SHC2: variants seen among roughly 807,000 people sequenced by gnomAD.
SHC2 encodes the protein SHC-transforming protein 2.
In SHC2, 62 loss-of-function variants were observed where a neutral mutation model predicts 60.6. The observed-to-expected ratio is 1.02, with a 90% CI of 0.83 to 1.26. The LOEUF is 1.26. Ranked by LOEUF, SHC2 falls within the 50% of genes most tolerant of loss-of-function variation. SHC2 has a pLI of 0.00. For missense variants in SHC2, 873 were observed against 822.2 expected, an observed-to-expected ratio of 1.06 and a Z score of -0.76; for synonymous variants, 375 against 372.4, an observed-to-expected ratio of 1.01 and a Z score of -0.08.
At chr19:427,047 G>C (rs907492570) in intron 9 of SHC2, among the ~76,000 whole-genome samples, 3 of 152,242 alleles carry the variant, frequency 2.0e-5, no homozygotes, top group Admixed American at 6.5e-5. Context: ...GGTCCGGGGT[G>C]AGCAGCCAGC....
In SHC2 at chr19:438,148, T is replaced by C. The variant is rs1302916606; in HGVS notation, c.720+570A>G. On this transcript the variant is annotated intron_variant, in intron 4 of 12. Coordinates refer to ENST00000264554, the MANE Select transcript of SHC2 (RefSeq NM_012435.3). This position sits in a 1 kb window ranked among gnomAD's most constrained non-coding sequence, Gnocchi z 5.0. ...ACAGGCGCCCACCACCACACCCGGC[T>C]AATCTTTGTATTTTTTGTAGAGTCA... 6.6e-6 allele frequency among the ~76,000 whole-genome samples: 1 copy of C among 151,996 alleles called. No homozygotes were observed. The highest frequency in any genetic ancestry group is 1.5e-5 in the Non-Finnish European group (1 of 68,006).
chr19:455,664 C>G (rs151260990), intron 1 of SHC2, among the ~76,000 whole-genome samples: 1 of 152,186 alleles, frequency 6.6e-6, no homozygotes, highest in Non-Finnish European at 1.5e-5. Context: ...CCAAACAACG[C>G]GAGCTAATCC....
At position 450,840 on chromosome 19, in the gene SHC2, C is replaced by T. The variant is rs9676799; in HGVS notation, c.468+9689G>A. On this transcript the variant is annotated intron_variant, in intron 1 of 12. Transcript: ENST00000264554. ...TCATATTTCAGTGTGTGGATGGCCA[C>T]GCCATGGCTGTGCCGTATTTCAGCG... is the stretch of plus-strand genomic sequence containing the variant. 2.6e-3 allele frequency among the ~76,000 whole-genome samples: 387 copies of T among 147,138 alleles called. 1 individual carries two copies. Among genetic ancestry groups the T allele is most frequent in the Non-Finnish European group, 4.2e-3 (282 of 66,666 alleles).
chr19:460,651 A>G lies in SHC2; in HGVS notation c.346T>C (p.Ser116Pro), dbSNP rs1057413354. 2 of 1,203,802 alleles carry G rather than the reference A, an allele frequency of 1.7e-6. No homozygotes were observed. The highest frequency in any genetic ancestry group is 1.7e-5 in the African/African-American group (1 of 60,586). The allele number at this position is 1,203,802 out of a possible 1,614,324, so 74.6% of individuals were successfully genotyped here. ...GSRGGRGAAG[S>P]GDAAAAAEWI... is the part of the protein sequence containing the mutation. ...TCGGCGGCGGCGGCGGCGTCCCCGG[A>G]CCCCGCCGCCCCCCGCCCGCCCCGC... The change falls in exon 1 of 13, where the codon TCC becomes CCC. Residue 116 changes from serine to proline, a missense_variant. Coordinates refer to ENST00000264554, the MANE Select transcript of SHC2 (RefSeq NM_012435.3).
At position 460,813 on chromosome 19, in the gene SHC2, G is replaced by C; in HGVS notation, c.184C>G (p.Pro62Ala). 1.0e-6 allele frequency: 1 copy of C among 980,480 alleles called. No homozygotes were observed. The highest frequency in any genetic ancestry group is 1.2e-6 in the Non-Finnish European group (1 of 828,234). 60.7% of individuals were successfully genotyped at this position (980,480 alleles called of 1,614,324 possible). A position where few individuals can be genotyped will look rare whatever the true frequency, so the allele number is the denominator to read the frequency against. The change falls in exon 1 of 13, where the codon CCC becomes GCC. Residue 62 changes from proline (P) to alanine (A), a missense_variant. Physicochemically the swap from Pro to Ala is conservative, Grantham distance 27 (BLOSUM62 -1). Coordinates refer to ENST00000264554, the MANE Select transcript of SHC2 (RefSeq NM_012435.3). ...CCCGGGCCCGCCGGCTCGGGTTGGG[G>C]GTCCGCGCCCCCCGAGGCCCCAGCC... ...RAAGASGGADPQPEPAGPGGV... is the reference protein window; with the variant it reads ...RAAGASGGADAQPEPAGPGGV...
rs536135156 is a variant in SHC2, at chr19:425,588, G to A, written c.1175-357C>T. On this transcript the variant is annotated intron_variant, in intron 9 of 12. Transcript: ENST00000264554. This position sits in a 1 kb window ranked among gnomAD's most constrained non-coding sequence, Gnocchi z 4.1. ...GAGCTTCCCAGTGCGTGTATGTTCA[G>A]TCTCCACATTTAAAAATAATCACAG... 1.6e-4 allele frequency among the ~76,000 whole-genome samples: 24 copies of A among 152,334 alleles called. 1 individual carries two copies. The South Asian group carries it at 3.9e-3, about 25-fold the overall frequency.
intron 12 of SHC2, among the ~76,000 whole-genome samples, chr19:418,130 C>G (rs927347748): frequency 2.6e-5 from 4 of 152,186 alleles, no homozygotes; most frequent in Non-Finnish European, 5.9e-5. Context: ...TCCCCCCGGG[C>G]CCCGCACCAA....
Position 445,612 on chromosome 19 carries a change from C to T in SHC2, c.469-4680G>A, listed in dbSNP as rs1390305722. 6.6e-6 allele frequency among the ~76,000 whole-genome samples: 1 copy of T among 152,132 alleles called. No homozygotes were observed. Among genetic ancestry groups the T allele is most frequent in the Non-Finnish European group, 1.5e-5 (1 of 68,048 alleles). On this transcript the variant is annotated intron_variant, in intron 1 of 12. Coordinates refer to ENST00000264554, the MANE Select transcript of SHC2 (RefSeq NM_012435.3). This position sits in a 1 kb window ranked among gnomAD's most constrained non-coding sequence, Gnocchi z 4.4. Reference sequence around the variant, plus strand: ...ATTAGCTGAGCATGGTGAGTGTGGGCCTGTGGTCCCAGCTACTCAGGAGGC... The same window carrying T: ...ATTAGCTGAGCATGGTGAGTGTGGGTCTGTGGTCCCAGCTACTCAGGAGGC...
chr19:426,029 CAA>C (rs1317631897), intron 9 of SHC2, among the ~76,000 whole-genome samples: 89 of 79,478 alleles, frequency 1.1e-3, no homozygotes, highest in South Asian at 2.2e-3. Flanking sequence ...ACTCAGTCTC[CAA>C]AAAAAAAAAA....
chr19:429,082 G>A (rs1265510855), intron 9 of SHC2, among the ~76,000 whole-genome samples: 1 of 147,578 alleles, frequency 6.8e-6, no homozygotes, highest in African/African-American at 2.5e-5. Flanking sequence ...CTCATACCGT[G>A]TGGATGATGC....
intron 1 of SHC2, among the ~76,000 whole-genome samples, chr19:444,111 G>A (rs1974994829): frequency 6.6e-6 from 1 of 151,658 alleles, no homozygotes; most frequent in African/African-American, 2.4e-5. Context: ...CAGGTGGATG[G>A]TTGGATGGGT....
intron 8 of SHC2, 54 bp from the exon 9 acceptor site, chr19:430,801 C>T (rs1177021920): frequency 1.9e-6 from 3 of 1,554,230 alleles, no homozygotes; most frequent in Non-Finnish European, 2.6e-6. Flanking sequence ...CTCTTCCTGG[C>T]TCTGGACCCC....
chr19:425,510 G>A lies in SHC2; in HGVS notation c.1175-279C>T. Among the ~76,000 whole-genome samples, 1 of 152,212 alleles carries A rather than the reference G, an allele frequency of 6.6e-6. No individual in the cohort carries two copies. The highest frequency in any genetic ancestry group is 1.9e-4 in the East Asian group (1 of 5,184). ...ACCAGACGTCCACGCCCAGGGAGAA[G>A]GCAGCCGCTGCTCCACCCCACCCCG... On this transcript the variant is annotated intron_variant, in intron 9 of 12. Transcript: ENST00000264554. The surrounding 1 kb of genome is among the most constrained non-coding windows in gnomAD (Gnocchi z 4.1).
chr19:428,217 G>C (rs1974469504), intron 9 of SHC2, among the ~76,000 whole-genome samples: 5 of 152,188 alleles, frequency 3.3e-5, no homozygotes, highest in Admixed American at 2.6e-4. Context: ...AAAGCAAGAC[G>C]TCTCAAAAAC....
rs771748103 is a variant in SHC2, at chr19:422,148, C to T, written c.1618G>A (p.Val540Met). Residue 540 changes from valine (V) to methionine (M), a missense_variant and splice_region_variant, in exon 11 of 13, where the codon GTG becomes ATG. Val to Met is a conservative substitution (Grantham distance 21). Coordinates refer to ENST00000264554, the MANE Select transcript of SHC2 (RefSeq NM_012435.3). The surrounding 1 kb of genome is among the most constrained non-coding windows in gnomAD (Gnocchi z 5.0). ...KHLLLVDPEGVVRTKDVLFES... is the reference protein window; with the variant it reads ...KHLLLVDPEGMVRTKDVLFES... ...CCTCCCACCTGTGCACAGCTTACCA[C>T]GCCCTCGGGGTCCACGAGCAGCAGG... The T allele has an allele frequency of 5.6e-6, 9 of 1,604,500 alleles. No individual in the cohort carries two copies. In the East Asian group the frequency reaches 1.1e-4, roughly 20 times the overall value.
Position 417,157 on chromosome 19 carries a change from C to T in SHC2, c.*171G>A, listed in dbSNP as rs80119017. On this transcript the variant is annotated 3_prime_UTR_variant, in exon 13 of 13. Coordinates refer to ENST00000264554, the MANE Select transcript of SHC2 (RefSeq NM_012435.3). ...CGGCAGGAGGAGGCTCTGCCCAGCC[C>T]GGGGCCAGCTGGAGGAAGGACCATG... 0.13 allele frequency: 19,293 copies of T among 152,878 alleles called. 1,368 individuals carry two copies. Among genetic ancestry groups the T allele is most frequent in the South Asian group, 0.24 (1,167 of 4,826 alleles). The allele number at this position is 152,878 out of a possible 1,614,324, so 9.5% of individuals were successfully genotyped here.
intron 1 of SHC2, among the ~76,000 whole-genome samples, chr19:450,927 T>C (rs9676522): frequency 0.22 from 25,841 of 119,966 alleles, 3,239 homozygotes; most frequent in Middle Eastern, 0.3. Flanking sequence ...GCCGTGGCCA[T>C]GTCATATTTC....
chr19:435,819 C>T (rs1236274070), intron 7 of SHC2: 1 of 268,296 alleles, frequency 3.7e-6, no homozygotes, highest in African/African-American at 2.1e-5. Flanking sequence ...CCCCCCTTTA[C>T]ACATGTTCTG....
intron 1 of SHC2, among the ~76,000 whole-genome samples, chr19:447,908 T>G (rs536249972): frequency 8.5e-5 from 13 of 152,354 alleles, no homozygotes; most frequent in African/African-American, 2.6e-4. Flanking sequence ...ACCCTAAGGT[T>G]TTGCTAAAAC....
Sources: allele counts gnomAD v4.1 joint callset (sites outside exome capture counted in the v4.1 genomes callset), GRCh38; gene constraint gnomAD v4.1.1; non-coding constraint Gnocchi (gnomAD v3.1); transcripts MANE v1.5; gene names NCBI Gene and HGNC (gene_info 2026-07-23, HGNC 2026-07-21).